The following SLC4A8 variants were observed in gnomAD, a reference collection of about 807,000 sequenced individuals.
SLC4A8 encodes the protein electroneutral sodium bicarbonate exchanger 1.
SLC4A8 carries 40 observed loss-of-function variants against 125.0 expected under a neutral mutation model. The observed-to-expected ratio is 0.32, with a 90% confidence interval of 0.25 to 0.42. SLC4A8 has a LOEUF of 0.42. SLC4A8 is among the 10% of genes least tolerant of loss of function. The probability of loss-of-function intolerance (pLI) is 1.00; values close to 1 mark genes in which losing one functional copy is unlikely to be tolerated. For missense variants in SLC4A8, 863 were observed against 1,355.1 expected (o/e 0.64, Z 5.70); for synonymous variants, 456 against 476.0 (o/e 0.96, Z 0.55).
At chr12:51,423,117 G>C (rs961996274), upstream of SLC4A8, among the ~76,000 whole-genome samples, 3 of 152,162 alleles carry the variant, frequency 2.0e-5, no homozygotes, top group African/African-American at 7.2e-5. Flanking sequence ...CCTGGGATTG[G>C]TTGAGGCTCT....
chr12:51,466,032 A>G, intron 11 of SLC4A8, among the ~76,000 whole-genome samples: 1 of 152,182 alleles, frequency 6.6e-6, no homozygotes, highest in East Asian at 1.9e-4. Flanking sequence ...CTTGGATAAC[A>G]TCTTACGGAA....
At chr12:51,434,307 C>T (rs147008988) in intron 1 of SLC4A8, among the ~76,000 whole-genome samples, 9 of 152,164 alleles carry the variant, frequency 5.9e-5, no homozygotes, top group South Asian at 2.1e-4. Flanking sequence ...CCAAAACACA[C>T]GAGATTATTA....
intron 19 of SLC4A8, 37 bp downstream of exon 19, chr12:51,489,988 G>T: frequency 6.2e-7 from 1 of 1,601,754 alleles, no homozygotes. Context: ...AATATCAAGG[G>T]CCTGATTTGT....
chr12:51,490,080 C>G (rs1951268860), intron 19 of SLC4A8, 129 bp downstream of exon 19: 1 of 817,834 alleles, frequency 1.2e-6, no homozygotes, highest in African/African-American at 1.7e-5. Context: ...AGAGTTTATT[C>G]TAGAGGGATA....
At position 51,424,848 on chromosome 12, in the gene SLC4A8, G is replaced by A; in HGVS notation, c.-140G>A. ...GATGCCTCGCGGGCCGGTGGCTATGGAGGCGGCGGCGGTTGATGGTTGACC... is the reference window on the plus strand; with the variant it reads ...GATGCCTCGCGGGCCGGTGGCTATGAAGGCGGCGGCGGTTGATGGTTGACC... On this transcript the variant is annotated 5_prime_UTR_variant, in exon 1 of 25. Coordinates refer to ENST00000453097, the MANE Select transcript of SLC4A8 (RefSeq NM_001039960.3). 2.3e-6 allele frequency: 2 copies of A among 871,392 alleles called. No homozygotes were observed. Among genetic ancestry groups the A allele is most frequent in the East Asian group, 3.1e-5 (1 of 32,334 alleles). 54.0% of individuals were successfully genotyped at this position (871,392 alleles called of 1,614,324 possible). A position where few individuals can be genotyped will look rare whatever the true frequency, so the allele number is the denominator to read the frequency against.
At chr12:51,447,877 C>T (rs113059033) in intron 2 of SLC4A8, among the ~76,000 whole-genome samples, 8,382 of 152,022 alleles carry the variant, frequency 0.055, 707 homozygotes, top group African/African-American at 0.18. Flanking sequence ...CCACCATGCC[C>T]AGCTAATTTT....
chr12:51,436,537 T>C (rs983975543), intron 1 of SLC4A8, among the ~76,000 whole-genome samples: 4 of 152,226 alleles, frequency 2.6e-5, no homozygotes, highest in Non-Finnish European at 5.9e-5. Flanking sequence ...GTCTCTTCCA[T>C]CTTATTCCCT....
At chr12:51,488,973 A>G (rs1175596411) in intron 18 of SLC4A8, 113 bp downstream of exon 18, 2 of 749,480 alleles carry the variant, frequency 2.7e-6, no homozygotes, top group African/African-American at 3.5e-5. Flanking sequence ...GAAGAGGTTC[A>G]TAAGGGGTTT....
intron 1 of SLC4A8, among the ~76,000 whole-genome samples, chr12:51,410,867 T>C (rs534404177): frequency 7.3e-6 from 1 of 136,624 alleles, no homozygotes; most frequent in South Asian, 2.4e-4. Flanking sequence ...TTTTCTTTTC[T>C]TTTCTTTTCT....
At position 51,475,194 on chromosome 12, in the gene SLC4A8, T is replaced by C. The variant is rs1355427127; in HGVS notation, c.2160T>C (p.Tyr720=). 1 of 1,614,048 alleles carries C rather than the reference T, an allele frequency of 6.2e-7. No individual in the cohort carries two copies. The highest frequency in any genetic ancestry group is 8.5e-7 in the Non-Finnish European group (1 of 1,180,002). ...STLKTFKTSR[Y]FPTRVRSMVS... is the part of the protein sequence containing the mutation. Reference sequence around the variant, plus strand: ...TAAAGACGTTTAAGACGAGCCGTTATTTCCCAACCAGAGTAGGTAGCATGT... The same window carrying C: ...TAAAGACGTTTAAGACGAGCCGTTACTTCCCAACCAGAGTAGGTAGCATGT... The change falls in exon 16 of 25, where the codon TAT becomes TAC. Residue 720 remains tyrosine, a synonymous_variant. Coordinates refer to ENST00000453097, the MANE Select transcript of SLC4A8 (RefSeq NM_001039960.3).
chr12:51,437,530 T>A (rs1000925889), intron 1 of SLC4A8, among the ~76,000 whole-genome samples: 3 of 152,164 alleles, frequency 2.0e-5, no homozygotes, highest in Non-Finnish European at 4.4e-5. Context: ...CTTGCCCCCA[T>A]CTTGCCATAT....
intron 1 of SLC4A8, among the ~76,000 whole-genome samples, chr12:51,411,052 T>G (rs978484799): frequency 4.7e-5 from 7 of 149,440 alleles, no homozygotes; most frequent in Non-Finnish European, 1.0e-4. Context: ...TCTGTTTTTT[T>G]TTTTTTTTTT....
intron 2 of SLC4A8, among the ~76,000 whole-genome samples, chr12:51,444,254 T>A (rs1949697674): frequency 6.6e-6 from 1 of 152,152 alleles, no homozygotes; most frequent in Non-Finnish European, 1.5e-5. Context: ...CTATATTCAT[T>A]TCCTAGTGTC....
chr12:51,499,205 T>C (rs754999649), intron 22 of SLC4A8, among the ~76,000 whole-genome samples: 9 of 152,120 alleles, frequency 5.9e-5, no homozygotes, highest in Non-Finnish European at 1.2e-4. Context: ...AAGAAAGATA[T>C]GTGGACGTGT....
chr12:51,398,041 T>C (rs1419454921), intron 1 of SLC4A8, among the ~76,000 whole-genome samples: 1 of 152,146 alleles, frequency 6.6e-6, no homozygotes, highest in Non-Finnish European at 1.5e-5. Flanking sequence ...CCCAAAGTGC[T>C]AGGATTAAAT....
chr12:51,473,014 G>A (rs1272653978), intron 14 of SLC4A8, among the ~76,000 whole-genome samples: 1 of 151,920 alleles, frequency 6.6e-6, no homozygotes, highest in South Asian at 2.1e-4. Flanking sequence ...ACACCGGAGT[G>A]GTAAGTTTGT....
At position 51,403,141 on chromosome 12, in the gene SLC4A8, C is replaced by G. The variant is rs1480379496; in HGVS notation, c.-112+11653C>G. The stretch of plus-strand genomic sequence containing the variant: ...GGTATAAACTGCTCAGAACAGTGCT[C>G]AGAACATAATAAATGCTCTATGTTC... On this transcript the variant is annotated intron_variant, in intron 1 of 24. Transcript: ENST00000358657. 3 of 218,068 alleles carry G rather than the reference C, an allele frequency of 1.4e-5. No individual in the cohort carries two copies. The East Asian group carries it at 4.3e-4, about 31-fold the overall frequency. The allele number at this position is 218,068 out of a possible 1,614,324, so 13.5% of individuals were successfully genotyped here. A position where few individuals can be genotyped will look rare whatever the true frequency, so the allele number is the denominator to read the frequency against.
chr12:51,511,006 T>C lies in SLC4A8; in HGVS notation c.*3568T>C, dbSNP rs1022522511. ...TGCAGATGATGGTGATTCTCTTCTT[T>C]TTTTTGTCTCCAATAGTTGCCTGGA... On this transcript the variant is annotated 3_prime_UTR_variant, in exon 25 of 25. Coordinates refer to ENST00000453097, the MANE Select transcript of SLC4A8 (RefSeq NM_001039960.3). 1 of 152,236 alleles carries C rather than the reference T, an allele frequency of 6.6e-6. No homozygotes were observed. The highest frequency in any genetic ancestry group is 1.5e-5 in the Non-Finnish European group (1 of 68,054). 9.4% of individuals were successfully genotyped at this position (152,236 alleles called of 1,614,324 possible).
intron 14 of SLC4A8, among the ~76,000 whole-genome samples, chr12:51,472,708 A>G (rs1241035104): frequency 6.6e-6 from 1 of 152,208 alleles, no homozygotes; most frequent in Non-Finnish European, 1.5e-5. Context: ...CAAAGTGACC[A>G]GCCCCGGATT....
Sources: allele counts gnomAD v4.1 joint callset (sites outside exome capture counted in the v4.1 genomes callset), GRCh38; gene constraint gnomAD v4.1.1; transcripts MANE v1.5; gene names NCBI Gene and HGNC (gene_info 2026-07-23, HGNC 2026-07-21).